Variants in EEFSEC observed in about 807,000 individuals in gnomAD.
EEFSEC encodes selenocysteine-specific elongation factor.
EEFSEC carries 43 observed loss-of-function variants against 42.1 expected under a neutral mutation model. The ratio of observed to expected loss-of-function variants is 1.02; its 90% CI spans 0.80 to 1.32. EEFSEC has a LOEUF of 1.32. Ranked by LOEUF, EEFSEC falls within the 40% of genes most tolerant of loss-of-function variation. The pLI, the probability that EEFSEC is intolerant of heterozygous loss-of-function variation, is 0.00. For missense variants in EEFSEC, 745 were observed against 803.6 expected (o/e 0.93, Z 0.88); for synonymous variants, 354 against 339.1 (o/e 1.04, Z -0.48).
intron 1 of EEFSEC, among the ~76,000 whole-genome samples, chr3:128,192,904 G>C (rs1023380151): frequency 6.6e-6 from 1 of 152,150 alleles, no homozygotes; most frequent in Non-Finnish European, 1.5e-5. Context: ...AAGCTTCAGG[G>C]CAGGGGGGCA....
chr3:128,178,666 A>G lies in EEFSEC; in HGVS notation c.316+24843A>G, dbSNP rs72985524. Among the ~76,000 whole-genome samples the G allele has an allele frequency of 8.5e-4, 130 of 152,296 alleles. 1 individual carries two copies. The highest frequency in any genetic ancestry group is 2.9e-3 in the African/African-American group (121 of 41,564). ...CAAAAATTCATACTGAATCTTTACA[A>G]TGAAACATTTGTGAGTCCAGGAGCC... On this transcript the variant is annotated intron_variant, in intron 1 of 6. Transcript: ENST00000254730.
chr3:128,331,776 G>A (rs1413805599), intron 4 of EEFSEC, among the ~76,000 whole-genome samples: 1 of 152,154 alleles, frequency 6.6e-6, no homozygotes, highest in East Asian at 1.9e-4. Context: ...CTATTAGACT[G>A]CAAAAATTTA....
At chr3:128,373,091 T>C (rs535405201) in intron 6 of EEFSEC, among the ~76,000 whole-genome samples, 2 of 152,316 alleles carry the variant, frequency 1.3e-5, no homozygotes, top group East Asian at 1.9e-4. Flanking sequence ...TGATCTGCCC[T>C]GTACAAATGT....
intron 1 of EEFSEC, among the ~76,000 whole-genome samples, chr3:128,243,804 G>A (rs1180372295): frequency 6.6e-6 from 1 of 152,136 alleles, no homozygotes; most frequent in Non-Finnish European, 1.5e-5. Flanking sequence ...TTGTGGGCTG[G>A]GTCCCCACTG....
chr3:128,176,787 A>G (rs1576520127), intron 1 of EEFSEC, among the ~76,000 whole-genome samples: 1 of 152,230 alleles, frequency 6.6e-6, no homozygotes, highest in Non-Finnish European at 1.5e-5. Context: ...GCAAGATCAG[A>G]AAGAACTATT....
chr3:128,261,551 C>CTTT (rs386397883), intron 2 of EEFSEC, among the ~76,000 whole-genome samples: 3,715 of 106,754 alleles, frequency 0.035, 140 homozygotes, highest in Non-Finnish European at 0.048. Context: ...CTCTTTCCCT[C>CTTT]TTTTTTTTTT....
At chr3:128,236,915 A>C (rs777814974) in intron 1 of EEFSEC, among the ~76,000 whole-genome samples, 29 of 152,208 alleles carry the variant, frequency 1.9e-4, no homozygotes, top group South Asian at 4.1e-4. Flanking sequence ...ACTGTGTTTT[A>C]ATGTTTGCTT....
In EEFSEC at chr3:128,264,739, C is replaced by T; in HGVS notation, c.744C>T (p.Gly248=). 6.2e-7 allele frequency: 1 copy of T among 1,614,172 alleles called. No homozygotes were observed. Among genetic ancestry groups the T allele is most frequent in the Non-Finnish European group, 8.5e-7 (1 of 1,180,018 alleles). ...TGATGACAGGGACCATCCTTTCAGG[C>T]TCCATCAGCCTCGGTGACAGTGTGG... ...GTVMTGTILS[G]SISLGDSVEI... is the part of the protein sequence containing the mutation. The change falls in exon 4 of 7, where the codon GGC becomes GGT. Residue 248 remains glycine (G), a synonymous_variant. Coordinates refer to ENST00000254730, the MANE Select transcript of EEFSEC (RefSeq NM_021937.5).
the EEFSEC span, among the ~76,000 whole-genome samples, chr3:128,420,797 G>A: frequency 6.6e-6 from 1 of 152,188 alleles, no homozygotes; most frequent in South Asian, 2.1e-4. Flanking sequence ...TCCCTGAGCT[G>A]GGAAATACAC....
At chr3:128,333,760 G>C (rs1369445553) in intron 4 of EEFSEC, among the ~76,000 whole-genome samples, 2 of 152,198 alleles carry the variant, frequency 1.3e-5, no homozygotes, top group African/African-American at 2.4e-5. Context: ...ACCTCAAACT[G>C]TTCCTGCTGG....
chr3:128,169,367 G>A (rs1201550791), intron 1 of EEFSEC, among the ~76,000 whole-genome samples: 1 of 152,202 alleles, frequency 6.6e-6, no homozygotes, highest in Non-Finnish European at 1.5e-5. Flanking sequence ...CAGACCTGGT[G>A]TTGCAGGTAT....
At chr3:128,420,119 GA>G in the EEFSEC span, among the ~76,000 whole-genome samples, 2 of 152,092 alleles carry the variant, frequency 1.3e-5, no homozygotes, top group Admixed American at 6.5e-5. Context: ...AAAAGAAGTA[GA>G]GGGGGAGAAA....
At chr3:128,331,180 G>A (rs1190961752) in intron 4 of EEFSEC, among the ~76,000 whole-genome samples, 1 of 47,716 alleles carries the variant, frequency 2.1e-5, no homozygotes. Flanking sequence ...CTTCCTCAGT[G>A]CATCTCCCCT....
intron 5 of EEFSEC, among the ~76,000 whole-genome samples, chr3:128,357,517 G>T (rs535250288): frequency 1.4e-3 from 214 of 152,366 alleles, no homozygotes; most frequent in African/African-American, 4.7e-3. Flanking sequence ...GAGGTAGGGA[G>T]GTAGGGCTGT....
At chr3:128,398,057 T>G (rs954512420) in intron 6 of EEFSEC, among the ~76,000 whole-genome samples, 1 of 151,954 alleles carries the variant, frequency 6.6e-6, no homozygotes, top group African/African-American at 2.4e-5. Context: ...AGAAGGTGGG[T>G]GGGGGAGCTC....
the EEFSEC span, among the ~76,000 whole-genome samples, chr3:128,415,438 T>C: frequency 6.8e-6 from 1 of 146,962 alleles, no homozygotes; most frequent in Non-Finnish European, 1.5e-5. Context: ...AGTTGTGTAA[T>C]GGGTGTGGCA....
At chr3:128,344,324 G>C (rs550262329) in intron 5 of EEFSEC, among the ~76,000 whole-genome samples, 5 of 152,216 alleles carry the variant, frequency 3.3e-5, no homozygotes, top group Non-Finnish European at 7.3e-5. Flanking sequence ...CTGAGGAAGA[G>C]GTCATTATTT....
chr3:128,281,822 G>A (rs1380081150), intron 4 of EEFSEC, among the ~76,000 whole-genome samples: 2 of 152,200 alleles, frequency 1.3e-5, no homozygotes, highest in Admixed American at 1.3e-4. Context: ...ATGGGGGCCT[G>A]GCGACTTGCA....
chr3:128,261,988 G>A, intron 2 of EEFSEC, 140 bp from the exon 3 acceptor site: 1 of 763,230 alleles, frequency 1.3e-6, no homozygotes, highest in Admixed American at 2.1e-5. Context: ...GTACAGTGGT[G>A]CTGTCTTCTA....
Sources: allele counts gnomAD v4.1 joint callset (sites outside exome capture counted in the v4.1 genomes callset), GRCh38; gene constraint gnomAD v4.1.1; transcripts MANE v1.5; gene names NCBI Gene and HGNC (gene_info 2026-07-23, HGNC 2026-07-21).